ADAMTS3: variants seen among roughly 807,000 people sequenced by gnomAD.
ADAMTS3 encodes the protein A disintegrin and metalloproteinase with thrombospondin motifs 3.
A neutral mutation model predicts 129.0 loss-of-function variants in ADAMTS3; 73 were observed. The ratio of observed to expected loss-of-function variants is 0.57; its 90% CI spans 0.47 to 0.69. ADAMTS3 has a LOEUF of 0.69. Ranked by LOEUF, ADAMTS3 falls within the 30% of genes least tolerant of loss-of-function variation. The pLI is 0.00. For missense variants in ADAMTS3, 1,457 were observed against 1,514.5 expected, an observed-to-expected ratio of 0.96 and a Z score of 0.63; for synonymous variants, 477 against 510.8, an observed-to-expected ratio of 0.93 and a Z score of 0.89.
intron 3 of ADAMTS3, among the ~76,000 whole-genome samples, chr4:72,508,711 C>CA (rs1247841121): frequency 2.0e-5 from 3 of 151,758 alleles, no homozygotes; most frequent in Non-Finnish European, 2.9e-5. Context: ...TTTGAGTTAA[C>CA]AAAAAATACG....
intron 3 of ADAMTS3, among the ~76,000 whole-genome samples, chr4:72,454,974 T>G (rs569238226): frequency 6.6e-5 from 10 of 151,870 alleles, no homozygotes; most frequent in African/African-American, 2.4e-4. Context: ...GTATTGATTT[T>G]TATGAGAAAT....
chr4:72,392,153 G>A (rs1721611038), intron 4 of ADAMTS3, among the ~76,000 whole-genome samples: 1 of 152,106 alleles, frequency 6.6e-6, no homozygotes, highest in South Asian at 2.1e-4. Context: ...ATGGCAGAAT[G>A]AGGACCAGAA....
intron 3 of ADAMTS3, among the ~76,000 whole-genome samples, chr4:72,420,858 G>A (rs187134592): frequency 7.9e-5 from 12 of 152,182 alleles, no homozygotes; most frequent in East Asian, 7.7e-4. Flanking sequence ...AAGTTAATGC[G>A]TTTTGTTTTA....
At chr4:72,464,426 A>G (rs1416348361) in intron 3 of ADAMTS3, among the ~76,000 whole-genome samples, 1 of 152,018 alleles carries the variant, frequency 6.6e-6, no homozygotes, top group African/African-American at 2.4e-5. Flanking sequence ...TCAGTAAGCG[A>G]ACATTGCTTA....
chr4:72,430,223 C>G (rs1225361269), intron 3 of ADAMTS3, among the ~76,000 whole-genome samples: 3 of 152,032 alleles, frequency 2.0e-5, no homozygotes, highest in Admixed American at 6.6e-5. Context: ...TCTAGGCCAG[C>G]TTTCATGACT....
At chr4:72,361,282 T>C (rs1453533434) in intron 4 of ADAMTS3, among the ~76,000 whole-genome samples, 3 of 152,170 alleles carry the variant, frequency 2.0e-5, no homozygotes, top group African/African-American at 4.8e-5. Context: ...CAAATTGTTA[T>C]GTGAAATAAA....
chr4:72,328,055 A>C (rs889857193), intron 5 of ADAMTS3, among the ~76,000 whole-genome samples: 1 of 152,218 alleles, frequency 6.6e-6, no homozygotes, highest in African/African-American at 2.4e-5. Context: ...TAAGTGACGT[A>C]TTTGACACTG....
At chr4:72,533,622 C>A (rs1446610667) in intron 3 of ADAMTS3, among the ~76,000 whole-genome samples, 4 of 151,806 alleles carry the variant, frequency 2.6e-5, no homozygotes, top group Admixed American at 2.0e-4. Context: ...TGTATATATA[C>A]ATATATATGT....
chr4:72,453,644 G>T lies in ADAMTS3; in HGVS notation c.505-38673C>A, dbSNP rs1464173101. Among the ~76,000 whole-genome samples, 4 of 151,558 alleles carry T rather than the reference G, an allele frequency of 2.6e-5. No homozygotes were observed. The East Asian group carries it at 7.8e-4, about 30-fold the overall frequency. ...TAGATAATAATCCTTTGGAGAACAA[G>T]CAAGTAACACAAATACAAAGTGCTA... On this transcript the variant is annotated intron_variant, in intron 3 of 21. Coordinates refer to ENST00000286657, the MANE Select transcript of ADAMTS3 (RefSeq NM_014243.3).
chr4:72,472,530 C>T (rs1263328905), intron 3 of ADAMTS3, among the ~76,000 whole-genome samples: 1 of 152,048 alleles, frequency 6.6e-6, no homozygotes, highest in Non-Finnish European at 1.5e-5. Flanking sequence ...AATTAACCTA[C>T]TAGTCCATGT....
intron 3 of ADAMTS3, among the ~76,000 whole-genome samples, chr4:72,475,706 G>C (rs1719211899): frequency 6.6e-6 from 1 of 151,610 alleles, no homozygotes; most frequent in Non-Finnish European, 1.5e-5. Context: ...ACTATATACA[G>C]TTTCAAGAGC....
chr4:72,363,978 G>A (rs1720797724), intron 4 of ADAMTS3, among the ~76,000 whole-genome samples: 1 of 151,972 alleles, frequency 6.6e-6, no homozygotes, highest in South Asian at 2.1e-4. Flanking sequence ...TGTCTCAAAA[G>A]ATCTCCAATA....
intron 3 of ADAMTS3, among the ~76,000 whole-genome samples, chr4:72,467,431 A>T (rs1393726089): frequency 6.6e-6 from 1 of 152,054 alleles, no homozygotes; most frequent in African/African-American, 2.4e-5. Context: ...AAAACCTGCA[A>T]ATGGCTCCTT....
intron 3 of ADAMTS3, among the ~76,000 whole-genome samples, chr4:72,506,871 T>C (rs1458100423): frequency 6.6e-6 from 1 of 152,218 alleles, no homozygotes; most frequent in African/African-American, 2.4e-5. Context: ...TTCCAGTGGA[T>C]TCCCATTTTT....
intron 11 of ADAMTS3, 33 bp from the exon 12 acceptor site, chr4:72,313,855 T>A: frequency 2.5e-6 from 4 of 1,612,486 alleles, no homozygotes; most frequent in Non-Finnish European, 3.4e-6. Context: ...ATTATTAAAA[T>A]CACGCATACA....
intron 3 of ADAMTS3, among the ~76,000 whole-genome samples, chr4:72,534,064 AC>A (rs2109768704): frequency 6.6e-6 from 1 of 152,308 alleles, no homozygotes; most frequent in South Asian, 2.1e-4. Flanking sequence ...GCAGGGGCTC[AC>A]GCCTGTAATC....
At chr4:72,485,270 T>G (rs2110009796) in intron 3 of ADAMTS3, among the ~76,000 whole-genome samples, 1 of 152,326 alleles carries the variant, frequency 6.6e-6, no homozygotes, top group East Asian at 1.9e-4. Context: ...AAGAGGTTTC[T>G]TGAAACCTCT....
At chr4:72,549,481 T>C (rs1229365379) in intron 2 of ADAMTS3, among the ~76,000 whole-genome samples, 1 of 152,112 alleles carries the variant, frequency 6.6e-6, no homozygotes, top group Non-Finnish European at 1.5e-5. Flanking sequence ...AGGTCCTTTG[T>C]CCAAGGTCAA....
At chr4:72,309,621 C>T (rs1362586632) in intron 14 of ADAMTS3, 101 bp from the exon 15 acceptor site, 2 of 1,342,656 alleles carry the variant, frequency 1.5e-6, no homozygotes, top group African/African-American at 2.9e-5. Flanking sequence ...GGCCCACAGT[C>T]AGCCAATTTA....
Sources: gnomAD v4.1 joint callset for allele counts (sites outside exome capture counted in the v4.1 genomes callset) on GRCh38, gnomAD v4.1.1 for gene constraint, MANE v1.5 for transcripts, NCBI Gene and HGNC (gene_info 2026-07-23, HGNC 2026-07-21) for gene names.